ELMO1: variants seen among roughly 807,000 people sequenced by gnomAD.
ELMO1 encodes the protein engulfment and cell motility 1.
Under a neutral mutation model 98.9 loss-of-function variants are expected in ELMO1, and 26 were observed. The ratio of observed to expected loss-of-function variants is 0.26; its 90% CI spans 0.19 to 0.36. ELMO1 has a LOEUF of 0.36. Ranked by LOEUF, ELMO1 falls within the 10% of genes least tolerant of loss-of-function variation. The probability of loss-of-function intolerance (pLI) is 1.00; values close to 1 mark genes in which losing one functional copy is unlikely to be tolerated. For synonymous variants in ELMO1, 346 were observed against 346.0 expected (o/e 1.00, Z 0.00); for missense variants, 627 against 935.2 (o/e 0.67, Z 4.30).
chr7:36,887,770 T>C (rs1805161272), intron 17 of ELMO1, 98 bp from the exon 18 acceptor site: 1 of 1,037,244 alleles, frequency 9.6e-7, no homozygotes, highest in Admixed American at 2.0e-5. Context: ...AACAAGTGCA[T>C]CTTTTCATGA....
chr7:37,184,921 C>T (rs1791108798), intron 13 of ELMO1, among the ~76,000 whole-genome samples: 1 of 152,008 alleles, frequency 6.6e-6, no homozygotes, highest in Non-Finnish European at 1.5e-5. Context: ...AAGTCCATCA[C>T]GAATTACTTC....
At chr7:36,883,239 G>A (rs1804639708) in intron 18 of ELMO1, among the ~76,000 whole-genome samples, 1 of 152,196 alleles carries the variant, frequency 6.6e-6, no homozygotes, top group African/African-American at 2.4e-5. Context: ...CTCTGCAGGA[G>A]GTTTCATGTT....
intron 1 of ELMO1, among the ~76,000 whole-genome samples, chr7:37,351,806 AC>A (rs1338709580): frequency 6.6e-6 from 1 of 152,144 alleles, no homozygotes; most frequent in Non-Finnish European, 1.5e-5. Context: ...ACACACTCTA[AC>A]CTTGCAGTCA....
chr7:37,214,594 G>A (rs67817838), intron 11 of ELMO1, among the ~76,000 whole-genome samples: 2,220 of 152,180 alleles, frequency 0.015, 55 homozygotes, highest in African/African-American at 0.047. Context: ...GAAGATTGAG[G>A]AATAGAAGAA....
At chr7:36,886,013 G>A (rs1804971500) in intron 18 of ELMO1, among the ~76,000 whole-genome samples, 4 of 152,116 alleles carry the variant, frequency 2.6e-5, no homozygotes, top group Admixed American at 1.3e-4. Flanking sequence ...AGGCAAGATC[G>A]CACCCACATT....
intron 5 of ELMO1, among the ~76,000 whole-genome samples, chr7:37,266,341 T>C (rs894536634): frequency 1.3e-5 from 2 of 152,140 alleles, no homozygotes; most frequent in African/African-American, 4.8e-5. Flanking sequence ...GATAATACTA[T>C]TTTTCTTATT....
At chr7:36,878,278 T>C (rs1804132968) in intron 18 of ELMO1, among the ~76,000 whole-genome samples, 161 bp from the exon 19 acceptor site, 2 of 152,242 alleles carry the variant, frequency 1.3e-5, no homozygotes, top group Non-Finnish European at 2.9e-5. Flanking sequence ...TAAATTCCCT[T>C]TTGACTTTAA....
chr7:37,366,169 A>G (rs2131341765), intron 1 of ELMO1, among the ~76,000 whole-genome samples: 1 of 152,350 alleles, frequency 6.6e-6, no homozygotes, highest in South Asian at 2.1e-4. Flanking sequence ...CGATTTCTAT[A>G]GCATGTATTC....
At chr7:37,283,796 C>T (rs1180035514) in intron 4 of ELMO1, among the ~76,000 whole-genome samples, 2 of 152,234 alleles carry the variant, frequency 1.3e-5, no homozygotes, top group Non-Finnish European at 2.9e-5. Context: ...TAGTGCTGCA[C>T]AGCCAGCGGC....
At chr7:37,427,299 C>A (rs1383145124) in intron 1 of ELMO1, among the ~76,000 whole-genome samples, 1 of 152,230 alleles carries the variant, frequency 6.6e-6, no homozygotes, top group Non-Finnish European at 1.5e-5. Flanking sequence ...ATGTTTCAGG[C>A]TAAGACTTTT....
intron 14 of ELMO1, among the ~76,000 whole-genome samples, chr7:37,126,967 T>G (rs1328294122): frequency 1.3e-5 from 2 of 152,252 alleles, no homozygotes; most frequent in Non-Finnish European, 2.9e-5. Flanking sequence ...ACATCTCATT[T>G]GCATGCATTC....
intron 4 of ELMO1, among the ~76,000 whole-genome samples, chr7:37,285,666 C>A (rs1797356917): frequency 6.6e-6 from 1 of 152,172 alleles, no homozygotes; most frequent in African/African-American, 2.4e-5. Flanking sequence ...CCATCACTTG[C>A]AACCTGCAAA....
At chr7:37,413,387 C>CTA (rs1804074953) in intron 1 of ELMO1, among the ~76,000 whole-genome samples, 1 of 152,142 alleles carries the variant, frequency 6.6e-6, no homozygotes, top group Admixed American at 6.5e-5. Flanking sequence ...ACCAGGAAGG[C>CTA]TAAGGAAGTC....
At chr7:37,379,691 A>AC (rs996503408) in intron 1 of ELMO1, among the ~76,000 whole-genome samples, 1 of 152,184 alleles carries the variant, frequency 6.6e-6, no homozygotes, top group African/African-American at 2.4e-5. Flanking sequence ...AGGTGTCAGG[A>AC]CCCAGCTGGC....
At chr7:36,887,816 T>C (rs1805165617) in intron 17 of ELMO1, 144 bp from the exon 18 acceptor site, 1 of 672,534 alleles carries the variant, frequency 1.5e-6, no homozygotes, top group South Asian at 1.9e-5. Flanking sequence ...TTTAGAGAAG[T>C]GTTTATTAAG....
intron 14 of ELMO1, among the ~76,000 whole-genome samples, chr7:37,112,134 T>C (rs923028375): frequency 6.6e-6 from 1 of 152,118 alleles, no homozygotes; most frequent in Non-Finnish European, 1.5e-5. Flanking sequence ...ATTCAACACA[T>C]CCTATCTTTC....
chr7:37,422,967 C>T (rs1659862550), intron 1 of ELMO1, among the ~76,000 whole-genome samples: 1 of 152,194 alleles, frequency 6.6e-6, no homozygotes. Flanking sequence ...TATTGTTACC[C>T]TCATTTTACA....
At chr7:37,212,862 G>A (rs2130441218) in intron 12 of ELMO1, among the ~76,000 whole-genome samples, 1 of 152,246 alleles carries the variant, frequency 6.6e-6, no homozygotes, top group African/African-American at 2.4e-5. Context: ...GAGAGTTACA[G>A]CCAACAGCCA....
chr7:37,433,865 AG>A (rs1805033546), intron 1 of ELMO1, among the ~76,000 whole-genome samples: 1 of 152,106 alleles, frequency 6.6e-6, no homozygotes, highest in South Asian at 2.1e-4. Flanking sequence ...AAATCTACAG[AG>A]GGGCTTCTCA....
Sources: allele counts gnomAD v4.1 joint callset (sites outside exome capture counted in the v4.1 genomes callset), GRCh38; gene constraint gnomAD v4.1.1; transcripts MANE v1.5; gene names NCBI Gene and HGNC (gene_info 2026-07-23, HGNC 2026-07-21).